Variants in CAT observed in about 807,000 individuals in gnomAD.
CAT encodes epididymis secretory sperm binding protein.
A neutral mutation model predicts 59.0 loss-of-function variants in CAT; 43 were observed. The observed-to-expected ratio is 0.73, with a 90% CI of 0.57 to 0.94. The LOEUF (loss-of-function observed/expected upper bound fraction) is 0.94. CAT is among the 40% of genes least tolerant of loss of function. The pLI is 0.00. For missense variants in CAT, 664 were observed against 682.9 expected (o/e 0.97, Z 0.31); for synonymous variants, 218 against 230.9 (o/e 0.94, Z 0.51).
intron 2 of CAT, 32 bp from the exon 3 acceptor site, chr11:34,450,956 C>A: frequency 7.1e-7 from 1 of 1,412,528 alleles, no homozygotes; most frequent in Non-Finnish European, 1.0e-6. Flanking sequence ...GTAATGGTCT[C>A]ATGGTAAGGA....
In CAT at chr11:34,453,890, A is replaced by C; in HGVS notation, c.675A>C (p.Ala225=). The C allele has an allele frequency of 6.2e-7, 1 of 1,614,052 alleles. No homozygotes were observed. Among genetic ancestry groups the C allele is most frequent in the African/African-American group, 1.3e-5 (1 of 75,066 alleles). The change falls in exon 6 of 13, where the codon GCA becomes GCC. Residue 225 remains alanine, a synonymous_variant. Transcript: ENST00000241052. ...CACATACTTTCAAGCTGGTTAATGC[A>C]AATGGGGAGGCAGTTTATTGCAAAT... ...YGSHTFKLVN[A]NGEAVYCKFH...
chr11:34,467,502 G>T (rs955545760), intron 10 of CAT, among the ~76,000 whole-genome samples: 3 of 152,106 alleles, frequency 2.0e-5, no homozygotes, highest in African/African-American at 7.2e-5. Context: ...TTATGAAGTT[G>T]ATACTTTGGA....
chr11:34,440,678 T>C (rs1381220130), intron 1 of CAT, among the ~76,000 whole-genome samples: 1 of 151,876 alleles, frequency 6.6e-6, no homozygotes, highest in Non-Finnish European at 1.5e-5. Flanking sequence ...TTCTCCTGCC[T>C]CAGCCTCCCG....
chr11:34,459,290 T>C (rs1856623809), intron 8 of CAT, among the ~76,000 whole-genome samples: 1 of 152,126 alleles, frequency 6.6e-6, no homozygotes, highest in Non-Finnish European at 1.5e-5. Flanking sequence ...TTAGGGGGGC[T>C]TTGGGGTTAT....
intron 3 of CAT, among the ~76,000 whole-genome samples, chr11:34,451,569 A>C (rs981609992): frequency 1.2e-4 from 19 of 152,226 alleles, no homozygotes; most frequent in African/African-American, 4.6e-4. Flanking sequence ...TATTAGATCT[A>C]TCATACTATA....
intron 3 of CAT, among the ~76,000 whole-genome samples, chr11:34,451,803 A>G (rs1488075901): frequency 6.6e-6 from 1 of 152,214 alleles, no homozygotes; most frequent in Admixed American, 6.5e-5. Flanking sequence ...AAGTTCAATT[A>G]CCTGTTTGAA....
intron 1 of CAT, among the ~76,000 whole-genome samples, chr11:34,440,311 C>T (rs1028252796): frequency 1.3e-5 from 2 of 152,098 alleles, no homozygotes; most frequent in African/African-American, 4.8e-5. Context: ...TTGTTATATA[C>T]CATTAGGTTG....
chr11:34,454,058 T>C, intron 6 of CAT, 132 bp downstream of exon 6: 1 of 887,762 alleles, frequency 1.1e-6, no homozygotes, highest in Non-Finnish European at 1.8e-6. Context: ...TGGGAAGTAT[T>C]GATCTCATTG....
intron 10 of CAT, among the ~76,000 whole-genome samples, chr11:34,466,780 C>CAAAAAAAAAAAAAAAAAA (rs71457350): frequency 2.4e-5 from 1 of 41,138 alleles, no homozygotes; most frequent in Non-Finnish European, 5.2e-5. Context: ...GACTCCGTCT[C>CAAAAAAAAAAAAAAAAAA]AAAAAAAAAA....
intron 1 of CAT, among the ~76,000 whole-genome samples, chr11:34,440,294 C>T (rs528298221): frequency 2.7e-4 from 41 of 152,282 alleles, no homozygotes; most frequent in African/African-American, 9.6e-4. Context: ...CCTCTTGGCC[C>T]TGTTCTTTGT....
At chr11:34,471,304 T>G in intron 12 of CAT, 64 bp from the exon 13 acceptor site, 1 of 1,244,916 alleles carries the variant, frequency 8.0e-7, no homozygotes, top group Non-Finnish European at 1.2e-6. Context: ...ATATTAAAAC[T>G]GAGTAAATAT....
At chr11:34,443,150 T>A (rs1433088334) in intron 1 of CAT, among the ~76,000 whole-genome samples, 2 of 152,242 alleles carry the variant, frequency 1.3e-5, no homozygotes, top group Non-Finnish European at 2.9e-5. Flanking sequence ...TAATATGATG[T>A]CTTCCACTTC....
At chr11:34,453,270 C>A in intron 5 of CAT, 76 bp downstream of exon 5, 1 of 921,598 alleles carries the variant, frequency 1.1e-6, no homozygotes, top group Non-Finnish European at 1.8e-6. Flanking sequence ...TAAAGTGTCT[C>A]TCCAGTTTTG....
At chr11:34,461,455 G>A (rs1373220956) in intron 9 of CAT, 66 bp downstream of exon 9, 3 of 1,586,846 alleles carry the variant, frequency 1.9e-6, no homozygotes, top group East Asian at 2.2e-5. Flanking sequence ...TGGGCGGGAG[G>A]CCAGGCCAGT....
intron 10 of CAT, 130 bp downstream of exon 10, chr11:34,464,365 C>G: frequency 2.0e-6 from 2 of 979,106 alleles, no homozygotes; most frequent in Non-Finnish European, 3.2e-6. Flanking sequence ...GAAGACTCAT[C>G]TGTAATAGTA....
At chr11:34,471,294 A>C (rs1856769868) in intron 12 of CAT, 74 bp from the exon 13 acceptor site, 1 of 1,142,272 alleles carries the variant, frequency 8.8e-7, no homozygotes, top group African/African-American at 1.5e-5. Context: ...ATTTGCATAC[A>C]TATTAAAACT....
chr11:34,460,550 C>T (rs556610685), intron 8 of CAT, among the ~76,000 whole-genome samples: 87 of 150,500 alleles, frequency 5.8e-4, no homozygotes, highest in African/African-American at 2.1e-3. Flanking sequence ...CTGGGCCAAG[C>T]AGTCCTCCCA....
intron 9 of CAT, among the ~76,000 whole-genome samples, chr11:34,463,708 A>T (rs758156851): frequency 2.6e-5 from 4 of 152,200 alleles, no homozygotes; most frequent in Non-Finnish European, 4.4e-5. Flanking sequence ...AGTCCAAATG[A>T]CACAATTTTT....
intron 8 of CAT, 150 bp from the exon 9 acceptor site, chr11:34,461,101 G>C: frequency 1.2e-6 from 1 of 843,468 alleles, no homozygotes; most frequent in Admixed American, 1.7e-5. Context: ...AAGAGTAGAG[G>C]CTTCACTCTT....
Sources: gnomAD v4.1 joint callset for allele counts (sites outside exome capture counted in the v4.1 genomes callset) on GRCh38, gnomAD v4.1.1 for gene constraint, MANE v1.5 for transcripts, NCBI Gene and HGNC (gene_info 2026-07-23, HGNC 2026-07-21) for gene names.